Variants in SYNPR observed in about 807,000 individuals in gnomAD.
SYNPR encodes synaptoporin.
A neutral mutation model predicts 32.9 loss-of-function variants in SYNPR; 23 were observed. The observed-to-expected ratio is 0.70, with a 90% CI of 0.50 to 0.99. SYNPR has a LOEUF of 0.99. SYNPR is among the 50% of genes least tolerant of loss of function. SYNPR has a pLI of 0.00. For missense variants in SYNPR, 318 were observed against 349.3 expected, an observed-to-expected ratio of 0.91 and a Z score of 0.71; for synonymous variants, 146 against 135.9, an observed-to-expected ratio of 1.07 and a Z score of -0.52.
At chr3:63,218,524 T>C in the SYNPR span, among the ~76,000 whole-genome samples, 1 of 152,218 alleles carries the variant, frequency 6.6e-6, no homozygotes, top group African/African-American at 2.4e-5. Context: ...ATCCAATCTC[T>C]TTATAATTCT....
intron 2 of SYNPR, among the ~76,000 whole-genome samples, chr3:63,309,941 G>A (rs1240860089): frequency 6.6e-6 from 1 of 151,842 alleles, no homozygotes; most frequent in Non-Finnish European, 1.5e-5. Context: ...CTTTGTGGGT[G>A]TCTGAGACGG....
chr3:63,484,051 T>C (rs1031820317), intron 3 of SYNPR, among the ~76,000 whole-genome samples: 2 of 152,154 alleles, frequency 1.3e-5, no homozygotes, highest in African/African-American at 4.8e-5. Context: ...TATTTTAGGA[T>C]GTAAGATAAT....
chr3:63,245,745 G>A (rs866333543), intron 1 of SYNPR, among the ~76,000 whole-genome samples: 2 of 98,946 alleles, frequency 2.0e-5, no homozygotes, highest in Admixed American at 1.0e-4. Context: ...GTGTGTATGT[G>A]TGTGTGTGTG....
chr3:63,434,465 A>T (rs963637003), intron 2 of SYNPR, among the ~76,000 whole-genome samples: 25 of 151,924 alleles, frequency 1.6e-4, no homozygotes, highest in Admixed American at 1.4e-3. Context: ...TGGCTATGAC[A>T]CCCCCCCTTC....
intron 5 of SYNPR, chr3:63,610,471 C>G: frequency 2.9e-6 from 2 of 697,502 alleles, no homozygotes; most frequent in East Asian, 2.7e-5. Context: ...TGTGTTTCTA[C>G]AGCTTTCTGA....
chr3:63,436,160 T>C (rs944431657), intron 2 of SYNPR, among the ~76,000 whole-genome samples: 4 of 152,152 alleles, frequency 2.6e-5, no homozygotes, highest in African/African-American at 7.2e-5. Context: ...TTGTTTCCTA[T>C]TGAGGACGTG....
intron 2 of SYNPR, among the ~76,000 whole-genome samples, chr3:63,263,790 A>T (rs114858038): frequency 6.6e-6 from 1 of 152,144 alleles, no homozygotes; most frequent in South Asian, 2.1e-4. Flanking sequence ...AGATATAGCA[A>T]GTGGGAGCTG....
rs183537465 is a variant in SYNPR at position 63,514,124 on chromosome 3, T to C, written c.209+33168T>C. On this transcript the variant is annotated intron_variant, in intron 3 of 5. Transcript: ENST00000478300. ...TTAGATCAGTAAAGCACTAAAAAAA[T>C]TCAATAAGGCATGTAGGTATAATCA... Among the ~76,000 whole-genome samples the C allele has an allele frequency of 1.1e-3, 165 of 152,274 alleles. 1 individual carries two copies. The highest frequency in any genetic ancestry group is 2.0e-3 in the Non-Finnish European group (135 of 68,016).
chr3:63,432,422 C>T (rs558505682), intron 2 of SYNPR, among the ~76,000 whole-genome samples: 1 of 152,220 alleles, frequency 6.6e-6, no homozygotes, highest in African/African-American at 2.4e-5. Context: ...ACAGCAGAAT[C>T]GAAGCTGATT....
chr3:63,204,478 A>C, the SYNPR span, among the ~76,000 whole-genome samples: 1 of 152,116 alleles, frequency 6.6e-6, no homozygotes, highest in Non-Finnish European at 1.5e-5. Flanking sequence ...AATCAGTTCT[A>C]TCTGTAATGA....
At chr3:63,296,435 G>T (rs1018156829) in intron 2 of SYNPR, among the ~76,000 whole-genome samples, 14 of 152,250 alleles carry the variant, frequency 9.2e-5, no homozygotes, top group Admixed American at 2.6e-4. Context: ...CAAGGACCTG[G>T]CCCCGTTCTT....
intron 2 of SYNPR, among the ~76,000 whole-genome samples, chr3:63,476,661 A>G (rs1700933716): frequency 6.6e-6 from 1 of 152,128 alleles, no homozygotes; most frequent in African/African-American, 2.4e-5. Flanking sequence ...TGGGAAGTCT[A>G]GAGACCCAGG....
intron 3 of SYNPR, among the ~76,000 whole-genome samples, chr3:63,493,180 C>T (rs6796386): frequency 0.61 from 91,974 of 151,880 alleles, 28,070 homozygotes; most frequent in African/African-American, 0.67. Context: ...GTTCCCTCTC[C>T]TTCCCCAACC....
At chr3:63,277,278 A>G (rs775607047), upstream of SYNPR, among the ~76,000 whole-genome samples, 4 of 152,204 alleles carry the variant, frequency 2.6e-5, no homozygotes, top group Non-Finnish European at 4.4e-5. Context: ...GTTTGTGAAT[A>G]TTGAATGAAG....
intron 2 of SYNPR, among the ~76,000 whole-genome samples, chr3:63,370,643 C>T (rs371411867): frequency 1.3e-5 from 2 of 152,148 alleles, no homozygotes; most frequent in Non-Finnish European, 2.9e-5. Context: ...AATTTTTAGT[C>T]TGGGGGCATA....
intron 2 of SYNPR, among the ~76,000 whole-genome samples, chr3:63,359,399 A>G (rs903735589): frequency 6.6e-6 from 1 of 152,256 alleles, no homozygotes; most frequent in Non-Finnish European, 1.5e-5. Context: ...AACTTAACCA[A>G]GAGTTGAGTT....
chr3:63,409,944 A>G (rs2088439568), intron 2 of SYNPR, among the ~76,000 whole-genome samples: 1 of 152,150 alleles, frequency 6.6e-6, no homozygotes, highest in African/African-American at 2.4e-5. Context: ...CTGTGCCCCA[A>G]CAGCGTTCCA....
At position 63,270,521 on chromosome 3, in the gene SYNPR, A is replaced by T. The variant is rs534686120; in HGVS notation, n.287+3072A>T. ...AGTTGGGACTGACTGGTAGCTAAAT[A>T]AAAGCCTCATCAATATCTTCAGATT... On this transcript the variant is annotated intron_variant and non_coding_transcript_variant, in intron 3 of 4. Coordinates refer to the SYNPR transcript ENST00000478456. 2.5e-4 allele frequency among the ~76,000 whole-genome samples: 38 copies of T among 152,340 alleles called. 1 individual carries two copies. In the Middle Eastern group the frequency reaches 0.01, roughly 41 times the overall value.
chr3:63,270,720 A>T (rs1463292499), intron 3 of SYNPR, among the ~76,000 whole-genome samples: 1 of 152,204 alleles, frequency 6.6e-6, no homozygotes, highest in Non-Finnish European at 1.5e-5. Context: ...TAAGATGTGG[A>T]TAATAATAAC....
Sources: gnomAD v4.1 joint callset for allele counts (sites outside exome capture counted in the v4.1 genomes callset) on GRCh38, gnomAD v4.1.1 for gene constraint, MANE v1.5 for transcripts, NCBI Gene and HGNC (gene_info 2026-07-23, HGNC 2026-07-21) for gene names.